OLFM1: variants seen among roughly 807,000 people sequenced by gnomAD.
The protein encoded by OLFM1 is olfactomedin 1.
Under a neutral mutation model 49.7 loss-of-function variants are expected in OLFM1, and 9 were observed. The observed-to-expected ratio is 0.18, with a 90% CI of 0.11 to 0.32. The LOEUF (loss-of-function observed/expected upper bound fraction) is 0.32, where lower values mean the gene tolerates loss of function less well. OLFM1 is among the 10% of genes least tolerant of loss of function. OLFM1 has a pLI of 1.00. For synonymous variants in OLFM1, 240 were observed against 271.8 expected, an observed-to-expected ratio of 0.88 and a Z score of 1.15; for missense variants, 369 against 661.8, an observed-to-expected ratio of 0.56 and a Z score of 4.85.
Position 135,113,571 on chromosome 9 carries a change from G to A in OLFM1, c.784-5933G>A, listed in dbSNP as rs1041993296. Among the ~76,000 whole-genome samples, 4 of 152,164 alleles carry A rather than the reference G, an allele frequency of 2.6e-5. No individual in the cohort carries two copies. The highest frequency in any genetic ancestry group is 6.5e-5 in the Admixed American group (1 of 15,290). ...TCGCTGGAGACTGGCGGTGGCTGGC[G>A]GTGGAGGCGCTTCTTGGTGCCGCAT... On this transcript the variant is annotated intron_variant, in intron 5 of 5. Transcript: ENST00000371793. The surrounding 1 kb of genome is among the most constrained non-coding windows in gnomAD (Gnocchi z 4.0).
In OLFM1 at chr9:135,113,105, C is replaced by T. The variant is rs1831046122; in HGVS notation, c.783+6250C>T. Among the ~76,000 whole-genome samples, 1 of 152,156 alleles carries T rather than the reference C, an allele frequency of 6.6e-6. No homozygotes were observed. The highest frequency in any genetic ancestry group is 2.4e-5 in the African/African-American group (1 of 41,424). On this transcript the variant is annotated intron_variant, in intron 5 of 5. Transcript: ENST00000371793. The surrounding 1 kb of genome is among the most constrained non-coding windows in gnomAD (Gnocchi z 4.0). ...TGCACAGAGCATGTGGCAGCTGGCACAGCTGGCCATGTGACCCTGAGAGAG... is the reference window on the plus strand; with the variant it reads ...TGCACAGAGCATGTGGCAGCTGGCATAGCTGGCCATGTGACCCTGAGAGAG...
At chr9:135,109,454 G>A (rs1310883596) in intron 5 of OLFM1, among the ~76,000 whole-genome samples, 6 of 152,154 alleles carry the variant, frequency 3.9e-5, no homozygotes, top group South Asian at 2.1e-4. Context: ...AGAAGAAGCC[G>A]CAGGAGAAGG....
At chr9:135,077,781 G>A (rs1042255280) in intron 1 of OLFM1, among the ~76,000 whole-genome samples, 1 of 152,216 alleles carries the variant, frequency 6.6e-6, no homozygotes, top group Non-Finnish European at 1.5e-5. Context: ...TCCCCAGGCT[G>A]GCTTCTGATA....
upstream of OLFM1, among the ~76,000 whole-genome samples, chr9:135,083,856 C>T (rs1830562543): frequency 6.6e-6 from 1 of 152,198 alleles, no homozygotes; most frequent in African/African-American, 2.4e-5. Context: ...GCTGCTCAGT[C>T]GTGGCCCTTA....
upstream of OLFM1, chr9:135,086,814 C>T: frequency 2.3e-6 from 1 of 434,816 alleles, no homozygotes; most frequent in African/African-American, 2.0e-5. Flanking sequence ...ATGACTCGAG[C>T]GCCACCCCTG....
At chr9:135,075,797 A>T in exon 1 of OLFM1, 1 of 1,602,460 alleles carries the variant, frequency 6.2e-7, no homozygotes, top group East Asian at 2.3e-5. Context: ...CACTGAACTC[A>T]CTCAAGTACG....
chr9:135,112,450 G>A (rs1831036543), intron 5 of OLFM1, among the ~76,000 whole-genome samples: 1 of 152,218 alleles, frequency 6.6e-6, no homozygotes, highest in South Asian at 2.1e-4. Flanking sequence ...CCCTCATGAG[G>A]TCAGAAGCTT....
Position 135,119,758 on chromosome 9 carries a change from C to G in OLFM1, c.1038C>G (p.His346Gln). ...LDYAGYNNMY[H>Q]YAWGGHSDID... ...ATGCCGGTTACAACAACATGTACCA[C>G]TACGCCTGGGGTGGCCACTCGGACA... is the stretch of plus-strand genomic sequence containing the variant. The change falls in exon 6 of 6, where the codon CAC (histidine) becomes CAG (glutamine). Residue 346 changes from histidine (H) to glutamine (Q), a missense_variant. His to Gln is a conservative substitution (Grantham distance 24). This residue lies in a region of OLFM1 where 294 missense variants were observed against 567.5 expected (regional missense o/e 0.52). Coordinates refer to ENST00000371793, the MANE Select transcript of OLFM1 (RefSeq NM_001282611.2). 1 of 1,614,054 alleles carries G rather than the reference C, an allele frequency of 6.2e-7. No homozygotes were observed. Among genetic ancestry groups the G allele is most frequent in the East Asian group, 2.2e-5 (1 of 44,876 alleles).
intron 1 of OLFM1, chr9:135,076,183 G>C (rs923027342): frequency 7.1e-6 from 11 of 1,550,330 alleles, no homozygotes; most frequent in Non-Finnish European, 9.6e-6. Flanking sequence ...CATTTTCAGA[G>C]GTGGCGGGAC....
intron 4 of OLFM1, among the ~76,000 whole-genome samples, chr9:135,101,318 A>C (rs1328889243): frequency 6.6e-6 from 1 of 152,094 alleles, no homozygotes; most frequent in Non-Finnish European, 1.5e-5. Flanking sequence ...TGCAGGTTCC[A>C]TGGTCTAGTG....
chr9:135,119,990 G>A lies in OLFM1; in HGVS notation c.1270G>A (p.Val424Ile). The A allele has an allele frequency of 6.2e-7, 1 of 1,613,720 alleles. No individual in the cohort carries two copies. Among genetic ancestry groups the A allele is most frequent in the Non-Finnish European group, 8.5e-7 (1 of 1,180,028 alleles). The change falls in exon 6 of 6, where the codon GTC becomes ATC. Residue 424 changes from valine to isoleucine, a missense_variant. Physicochemically the swap from Val to Ile is conservative, Grantham distance 29. This residue lies in a region of OLFM1 where 294 missense variants were observed against 567.5 expected (regional missense o/e 0.52). Transcript: ENST00000371793. ...VTNGYSGGTK[V>I]HYAYQTNAST... Reference sequence around the variant, plus strand: ...CAACGGCTACTCAGGGGGTACCAAGGTCCACTATGCATACCAGACCAATGC... The same window carrying A: ...CAACGGCTACTCAGGGGGTACCAAGATCCACTATGCATACCAGACCAATGC...
chr9:135,104,304 G>A (rs912974788), intron 4 of OLFM1, among the ~76,000 whole-genome samples: 5 of 152,220 alleles, frequency 3.3e-5, no homozygotes, highest in East Asian at 3.9e-4. Context: ...GAACCAGCAG[G>A]GCGGGGCTCT....
intron 1 of OLFM1, among the ~76,000 whole-genome samples, chr9:135,089,143 G>A (rs1830645138): frequency 6.6e-6 from 1 of 152,204 alleles, no homozygotes; most frequent in Admixed American, 6.5e-5. Flanking sequence ...GACCCCTCTT[G>A]AGGCCGCCCT....
chr9:135,100,706 C>T (rs986048468), intron 4 of OLFM1, among the ~76,000 whole-genome samples: 1 of 152,180 alleles, frequency 6.6e-6, no homozygotes, highest in African/African-American at 2.4e-5. Flanking sequence ...AAGGCATTTC[C>T]CCTCTCGAGT....
chr9:135,075,815 A>C (rs1385196137), intron 1 of OLFM1: 1 of 1,596,620 alleles, frequency 6.3e-7, no homozygotes, highest in Non-Finnish European at 8.5e-7. Context: ...ACGTGCATCC[A>C]ACGCCATTTT....
At chr9:135,110,182 G>A (rs1022385910) in intron 5 of OLFM1, among the ~76,000 whole-genome samples, 1 of 152,298 alleles carries the variant, frequency 6.6e-6, no homozygotes, top group Middle Eastern at 3.4e-3. Flanking sequence ...TGAATGCCCT[G>A]CCAGGCTGTG....
chr9:135,087,737 A>AGGGCGCG lies in OLFM1; in HGVS notation c.-248_-247insCGGGGCG, dbSNP rs1564268407. The AGGGCGCG allele has an allele frequency of 5.0e-6, 2 of 396,050 alleles. No individual in the cohort carries two copies. 24.5% of individuals were successfully genotyped at this position (396,050 alleles called of 1,614,324 possible). A position where few individuals can be genotyped will look rare whatever the true frequency, so the allele number is the denominator to read the frequency against. ...GACGCAGCCGGGCAAGGCAGGGCGC[A>AGGGCGCG]GGGCGGGCGGCGCGAGGCGCAGGGC... On this transcript the variant is annotated 5_prime_UTR_variant, in exon 1 of 6. Coordinates refer to ENST00000371793, the MANE Select transcript of OLFM1 (RefSeq NM_001282611.2).
intron 5 of OLFM1, among the ~76,000 whole-genome samples, chr9:135,114,402 C>T (rs1456606069): frequency 3.3e-5 from 5 of 152,056 alleles, no homozygotes; most frequent in Non-Finnish European, 5.9e-5. Context: ...AGCGTAAGCC[C>T]CCATGCCCAG....
intron 1 of OLFM1, among the ~76,000 whole-genome samples, chr9:135,081,402 T>G (rs1830530361): frequency 6.6e-6 from 1 of 152,162 alleles, no homozygotes; most frequent in Admixed American, 6.5e-5. Flanking sequence ...AGCTGTGCCT[T>G]TCCGACTGTG....
Sources: gnomAD v4.1 joint callset for allele counts (sites outside exome capture counted in the v4.1 genomes callset) on GRCh38, gnomAD v4.1.1 for gene constraint, gnomAD v4.1.1 regional missense constraint, Gnocchi (gnomAD v3.1) non-coding constraint, MANE v1.5 for transcripts, NCBI Gene and HGNC (gene_info 2026-07-23, HGNC 2026-07-21) for gene names.